ZSCAN18: variants seen among roughly 807,000 people sequenced by gnomAD.
The protein encoded by ZSCAN18 is zinc finger and SCAN domain containing 18, also known as zinc finger and SCAN domain-containing protein 18.
In ZSCAN18, 16 loss-of-function variants were observed where a neutral mutation model predicts 31.1. The observed-to-expected ratio is 0.51, with a 90% CI of 0.35 to 0.78. ZSCAN18 has a LOEUF of 0.78. Ranked by LOEUF, ZSCAN18 falls within the 30% of genes least tolerant of loss-of-function variation. The pLI is 0.01. For missense variants in ZSCAN18, 731 were observed against 697.4 expected (o/e 1.05, Z -0.54); for synonymous variants, 375 against 320.7 (o/e 1.17, Z -1.81).
chr19:58,097,391 C>T (rs1234421596), intron 1 of ZSCAN18, among the ~76,000 whole-genome samples: 2 of 151,894 alleles, frequency 1.3e-5, no homozygotes, highest in Admixed American at 6.6e-5. Context: ...GTCAGGCCCC[C>T]ACCCCAACCC....
chr19:58,107,518 A>G (rs2074644135), intron 1 of ZSCAN18: 1 of 341,740 alleles, frequency 2.9e-6, no homozygotes, highest in Non-Finnish European at 4.1e-6. Flanking sequence ...CTGAGATCAC[A>G]CTACTGCACT....
upstream of ZSCAN18, among the ~76,000 whole-genome samples, chr19:58,102,512 G>A (rs371714133): frequency 6.6e-6 from 1 of 152,098 alleles, no homozygotes; most frequent in Non-Finnish European, 1.5e-5. Flanking sequence ...CTTCTGTGCT[G>A]TTTGGCTTCC....
Position 58,084,548 on chromosome 19 carries a change from G to T in ZSCAN18, c.*137C>A. ...TCGTTGGGAGCGCTTAGCCTCAGGA[G>T]CGGATTCAGGGCACAGGCAGAGGAC... On this transcript the variant is annotated 3_prime_UTR_variant, in exon 7 of 7. Coordinates refer to ENST00000601144, the MANE Select transcript of ZSCAN18 (RefSeq NM_001145543.2). This position sits in a 1 kb window ranked among gnomAD's most constrained non-coding sequence, Gnocchi z 4.5. 1.2e-6 allele frequency: 1 copy of T among 854,908 alleles called. No homozygotes were observed. Among genetic ancestry groups the T allele is most frequent in the African/African-American group, 1.8e-5 (1 of 56,106 alleles). 53.0% of individuals were successfully genotyped at this position (854,908 alleles called of 1,614,324 possible).
At chr19:58,089,163 C>T (rs1056882775) in intron 2 of ZSCAN18, among the ~76,000 whole-genome samples, 27 of 149,190 alleles carry the variant, frequency 1.8e-4, no homozygotes, top group African/African-American at 5.7e-4. Flanking sequence ...ATTAGCCGGG[C>T]GTAGTGGCGG....
intron 1 of ZSCAN18, among the ~76,000 whole-genome samples, chr19:58,111,307 G>A (rs954692754): frequency 3.3e-5 from 5 of 152,090 alleles, no homozygotes; most frequent in Non-Finnish European, 5.9e-5. Flanking sequence ...TCATTCAACA[G>A]TAGCTCTCAT....
chr19:58,107,168 T>C (rs1264670976), intron 1 of ZSCAN18, among the ~76,000 whole-genome samples: 1 of 152,152 alleles, frequency 6.6e-6, no homozygotes, highest in Non-Finnish European at 1.5e-5. Flanking sequence ...ACAACATTCA[T>C]CTCCCTGTAC....
rs756071293 is a variant in ZSCAN18, at chr19:58,118,300, G to T, written c.97C>A (p.Arg33Ser). 8.9e-5 allele frequency: 135 copies of T among 1,512,610 alleles called. No homozygotes were observed. The Middle Eastern group carries it at 2.2e-3, about 25-fold the overall frequency. 93.7% of individuals were successfully genotyped at this position (1,512,610 alleles called of 1,614,324 possible). The change falls in exon 1 of 2, where the codon CGC (arginine) becomes AGC (serine). Residue 33 changes from arginine to serine, a missense_variant. Coordinates refer to the ZSCAN18 transcript ENST00000595721. ...GGCCTTGGCTCCGCGACCGGTGGGC[G>T]GGAACGGAGGAAACAGACCCGAGAG...
chr19:58,084,481 C>T lies in ZSCAN18; in HGVS notation c.*204G>A, dbSNP rs1253530562. ...CTCCCCTCGGATGCGAGCGCTGGCC[C>T]AGGGTGTGTTTACAGAGGTGAGGGC... On this transcript the variant is annotated 3_prime_UTR_variant, in exon 7 of 7. Transcript: ENST00000601144. The surrounding 1 kb of genome is among the most constrained non-coding windows in gnomAD (Gnocchi z 4.5). 8.0e-6 allele frequency: 4 copies of T among 500,052 alleles called. No homozygotes were observed. The highest frequency in any genetic ancestry group is 1.3e-5 in the Non-Finnish European group (4 of 297,528). The allele number at this position is 500,052 out of a possible 1,614,324, so 31.0% of individuals were successfully genotyped here.
At chr19:58,103,798 G>A (rs544777811) in intron 1 of ZSCAN18, among the ~76,000 whole-genome samples, 2 of 93,252 alleles carry the variant, frequency 2.1e-5, no homozygotes, top group South Asian at 3.6e-4. Flanking sequence ...TAAGGAAGGC[G>A]TGTCAAAGAC....
intron 1 of ZSCAN18, among the ~76,000 whole-genome samples, chr19:58,106,421 G>GTTTTTTTTGGTTTTTTTTTGAAAT (rs368006741): frequency 6.3e-4 from 38 of 60,206 alleles, no homozygotes; most frequent in East Asian, 1.5e-3. Context: ...AAAGACATCT[G>GTTTTTTTTGGTTTTTTTTTGAAAT]GCTGGGCGCG....
chr19:58,103,220 C>T (rs1213622149), upstream of ZSCAN18, among the ~76,000 whole-genome samples: 2 of 152,214 alleles, frequency 1.3e-5, no homozygotes, highest in Non-Finnish European at 2.9e-5. Flanking sequence ...ATATGTATCA[C>T]AGAATAAAGG....
At chr19:58,086,657 TG>T (rs780417185) in intron 5 of ZSCAN18, 2 of 509,606 alleles carry the variant, frequency 3.9e-6, no homozygotes, top group Non-Finnish European at 3.5e-6. Flanking sequence ...GTGGGCGCCT[TG>T]GGGCCAGGAG....
intron 1 of ZSCAN18, chr19:58,108,621 G>C (rs1019664700): frequency 1.0e-6 from 1 of 985,478 alleles, no homozygotes; most frequent in African/African-American, 1.7e-5. Flanking sequence ...GAGTCCTCTG[G>C]TGACTGATGA....
At position 58,085,660 on chromosome 19, in the gene ZSCAN18, C is replaced by T. The variant is rs530590279; in HGVS notation, c.839-281G>A. The T allele has an allele frequency of 2.9e-5, 14 of 488,530 alleles. No homozygotes were observed. In the South Asian group the frequency reaches 4.3e-4, roughly 15 times the overall value. The allele number at this position is 488,530 out of a possible 1,614,324, so 30.3% of individuals were successfully genotyped here. On this transcript the variant is annotated intron_variant, in intron 6 of 6. Coordinates refer to ENST00000601144, the MANE Select transcript of ZSCAN18 (RefSeq NM_001145543.2). Reference sequence around the variant, plus strand: ...CTGAGCCCGGGTTCTGGAAACCGCGCCTTTGGAGGTCTCCACCTGGCCACT... The same window carrying T: ...CTGAGCCCGGGTTCTGGAAACCGCGTCTTTGGAGGTCTCCACCTGGCCACT...
intron 1 of ZSCAN18, chr19:58,109,404 T>C: frequency 2.5e-6 from 3 of 1,196,930 alleles, no homozygotes; most frequent in Non-Finnish European, 3.1e-6. Context: ...CCAGTATCTA[T>C]TATATCTGAT....
Position 58,084,550 on chromosome 19 carries a change from G to T in ZSCAN18, c.*135C>A. 2 of 871,354 alleles carry T rather than the reference G, an allele frequency of 2.3e-6. No homozygotes were observed. The highest frequency in any genetic ancestry group is 1.8e-5 in the African/African-American group (1 of 56,392). The allele number at this position is 871,354 out of a possible 1,614,324, so 54.0% of individuals were successfully genotyped here. A position where few individuals can be genotyped will look rare whatever the true frequency, so the allele number is the denominator to read the frequency against. ...GTTGGGAGCGCTTAGCCTCAGGAGC[G>T]GATTCAGGGCACAGGCAGAGGACGT... On this transcript the variant is annotated 3_prime_UTR_variant, in exon 7 of 7. Transcript: ENST00000601144. This position sits in a 1 kb window ranked among gnomAD's most constrained non-coding sequence, Gnocchi z 4.5.
upstream of ZSCAN18, among the ~76,000 whole-genome samples, chr19:58,100,874 A>G (rs963105719): frequency 2.1e-5 from 3 of 144,948 alleles, no homozygotes; most frequent in African/African-American, 7.6e-5. Flanking sequence ...AACTCCATCT[A>G]AAAAAAAAAA....
At chr19:58,091,750 G>T (rs1034963854) in intron 1 of ZSCAN18, among the ~76,000 whole-genome samples, 1 of 152,150 alleles carries the variant, frequency 6.6e-6, no homozygotes. Flanking sequence ...CCTCCAGTCG[G>T]CCTCGGGCTC....
rs747216752 is a variant in ZSCAN18 at position 58,084,437 on chromosome 19, C to T, written c.*248G>A. ...CTAAATGGCTGCAGGAAAGCCGAGT[C>T]TTCTTCCACATCCGGCGGCTCCCCT... is the stretch of plus-strand genomic sequence containing the variant. On this transcript the variant is annotated 3_prime_UTR_variant, in exon 7 of 7. Coordinates refer to ENST00000601144, the MANE Select transcript of ZSCAN18 (RefSeq NM_001145543.2). The surrounding 1 kb of genome is among the most constrained non-coding windows in gnomAD (Gnocchi z 4.5). 2.3e-6 allele frequency: 1 copy of T among 439,200 alleles called. No individual in the cohort carries two copies. The highest frequency in any genetic ancestry group is 4.0e-6 in the Non-Finnish European group (1 of 251,064). 27.2% of individuals were successfully genotyped at this position (439,200 alleles called of 1,614,324 possible).
Sources: gnomAD v4.1 joint callset for allele counts (sites outside exome capture counted in the v4.1 genomes callset) on GRCh38, gnomAD v4.1.1 for gene constraint, Gnocchi (gnomAD v3.1) non-coding constraint, MANE v1.5 for transcripts, NCBI Gene and HGNC (gene_info 2026-07-23, HGNC 2026-07-21) for gene names.